PRPF8: variants seen among roughly 807,000 people sequenced by gnomAD.
PRPF8 encodes pre-mRNA processing factor 8.
A neutral mutation model predicts 285.9 loss-of-function variants in PRPF8; 64 were observed. The observed-to-expected ratio is 0.22, with a 90% CI of 0.18 to 0.28. PRPF8 has a LOEUF of 0.28. PRPF8 is among the 10% of genes least tolerant of loss of function. The pLI, the probability that PRPF8 is intolerant of heterozygous loss-of-function variation, is 1.00. For synonymous variants in PRPF8, 1,325 were observed against 1,118.2 expected, an observed-to-expected ratio of 1.18 and a Z score of -3.69; for missense variants, 1,426 against 3,026.7, an observed-to-expected ratio of 0.47 and a Z score of 12.41.
rs771921786 is a variant in PRPF8, at chr17:1,650,693, A to C, written c.*109T>G. 1.0e-4 allele frequency: 137 copies of C among 1,332,314 alleles called. No homozygotes were observed. The highest frequency in any genetic ancestry group is 1.4e-4 in the Non-Finnish European group (126 of 929,896). The allele number at this position is 1,332,314 out of a possible 1,614,324, so 82.5% of individuals were successfully genotyped here. A position where few individuals can be genotyped will look rare whatever the true frequency, so the allele number is the denominator to read the frequency against. On this transcript the variant is annotated 3_prime_UTR_variant, in exon 43 of 43. Coordinates refer to ENST00000304992, the MANE Select transcript of PRPF8 (RefSeq NM_006445.4). ...ATGACAAGCCATCAGGAGGTCAACA[A>C]CACAAGCACAGACAGAGGGAAAGAG... is the stretch of plus-strand genomic sequence containing the variant.
rs778682568 is a variant in PRPF8, at chr17:1,655,492, G to A, written c.5845C>T (p.Arg1949Trp). ...TCTGGCTTCAGGATCACTTTTGCCC[G>A]ATCGTTGTTCACATGTAGGGCACGC... ...ILRALHVNND[R>W]AKVILKPDKT... Residue 1949 changes from arginine to tryptophan, a missense_variant, in exon 37 of 43, where the codon CGG becomes TGG. By Grantham distance (101) the Arg-to-Trp change is moderately radical. This residue lies in a region of PRPF8 where 35 missense variants were observed against 47.7 expected (regional missense o/e 0.73). Transcript: ENST00000304992. The A allele has an allele frequency of 1.2e-6, 2 of 1,613,990 alleles. No homozygotes were observed. Among genetic ancestry groups the A allele is most frequent in the Non-Finnish European group, 1.7e-6 (2 of 1,179,918 alleles).
chr17:1,669,491 G>A (rs1912190731), intron 24 of PRPF8, among the ~76,000 whole-genome samples: 1 of 152,106 alleles, frequency 6.6e-6, no homozygotes, highest in Admixed American at 6.6e-5. Context: ...AAAAACACCT[G>A]CACTGACTTA....
At position 1,676,188 on chromosome 17, in the gene PRPF8, T is replaced by C. The variant is rs376306907; in HGVS notation, c.2552+19A>G. ...TGCTGTCACCTTCCCAGCAGGAACCTATCTACCCTACTACTCACCTATAAG... is the reference window on the plus strand; with the variant it reads ...TGCTGTCACCTTCCCAGCAGGAACCCATCTACCCTACTACTCACCTATAAG... On this transcript the variant is annotated intron_variant, in intron 17 of 42. Transcript: ENST00000304992. The surrounding 1 kb of genome is among the most constrained non-coding windows in gnomAD (Gnocchi z 6.3). 15 of 1,613,064 alleles carry C rather than the reference T, an allele frequency of 9.3e-6. No individual in the cohort carries two copies. Among genetic ancestry groups the C allele is most frequent in the Non-Finnish European group, 1.2e-5 (14 of 1,180,004 alleles).
rs1332508333 is a variant in PRPF8, at chr17:1,675,324, T to C, written c.2888A>G (p.Gln963Arg). 1.2e-6 allele frequency: 2 copies of C among 1,614,180 alleles called. No homozygotes were observed. Among genetic ancestry groups the C allele is most frequent in the Non-Finnish European group, 1.7e-6 (2 of 1,180,042 alleles). ...GCCTTCACTCGTCTCCCACACGTCCTGCAGGTTATTGATGCCTGAGGAGTA... is the reference window on the plus strand; with the variant it reads ...GCCTTCACTCGTCTCCCACACGTCCCGCAGGTTATTGATGCCTGAGGAGTA... ...YKWCQGINNLQDVWETSEGEC... is the reference protein window; with the variant it reads ...YKWCQGINNLRDVWETSEGEC... The change falls in exon 20 of 43, where the codon CAG (glutamine) becomes CGG (arginine). Residue 963 changes from glutamine (Q) to arginine (R), a missense_variant. Gln to Arg is a conservative substitution (Grantham distance 43). Transcript: ENST00000304992. This position sits in a 1 kb window ranked among gnomAD's most constrained non-coding sequence, Gnocchi z 6.0.
In PRPF8 at chr17:1,677,260, G is replaced by T. The variant is rs1464130729; in HGVS notation, c.1985-88C>A. 8 of 1,321,778 alleles carry T rather than the reference G, an allele frequency of 6.1e-6. No homozygotes were observed. The East Asian group carries it at 1.6e-4, about 27-fold the overall frequency. 81.9% of individuals were successfully genotyped at this position (1,321,778 alleles called of 1,614,324 possible). A position where few individuals can be genotyped will look rare whatever the true frequency, so the allele number is the denominator to read the frequency against. On this transcript the variant is annotated intron_variant, in intron 14 of 42. Coordinates refer to ENST00000304992, the MANE Select transcript of PRPF8 (RefSeq NM_006445.4). ...ACCTTCATGCTCCTCACTCATTATG[G>T]TTATTAATAAAATTAGGTATTAACA...
intron 24 of PRPF8, among the ~76,000 whole-genome samples, chr17:1,666,278 G>A (rs1383931556): frequency 6.6e-6 from 1 of 152,150 alleles, no homozygotes; most frequent in African/African-American, 2.4e-5. Flanking sequence ...GGCCAGGCGT[G>A]GTGGCTCACA....
chr17:1,680,686 C>G (rs1238858822), intron 8 of PRPF8, 40 bp downstream of exon 8: 1 of 1,559,692 alleles, frequency 6.4e-7, no homozygotes, highest in Non-Finnish European at 8.8e-7. Flanking sequence ...ACGCATTTCT[C>G]CTAGAAGAGC....
chr17:1,672,299 G>A (rs1912367649), intron 24 of PRPF8, among the ~76,000 whole-genome samples: 1 of 152,196 alleles, frequency 6.6e-6, no homozygotes, highest in Non-Finnish European at 1.5e-5. Context: ...TGTATTTTGA[G>A]ATAGAGTTTT....
At chr17:1,680,694 A>C in intron 8 of PRPF8, 32 bp downstream of exon 8, 1 of 1,566,704 alleles carries the variant, frequency 6.4e-7, no homozygotes, top group Non-Finnish European at 8.8e-7. Context: ...CTCCTAGAAG[A>C]GCTGAGGGAA....
At chr17:1,666,472 G>A (rs747326419) in intron 24 of PRPF8, among the ~76,000 whole-genome samples, 5 of 151,402 alleles carry the variant, frequency 3.3e-5, no homozygotes, top group Non-Finnish European at 7.4e-5. Flanking sequence ...GGTCTCCTGA[G>A]CCTGGGAGGC....
rs148321300 is a variant in PRPF8, at chr17:1,663,483, C to T, written c.3775-1330G>A. Among the ~76,000 whole-genome samples the T allele has an allele frequency of 4.0e-3, 611 of 151,564 alleles. 2 individuals are homozygous for T. The highest frequency in any genetic ancestry group is 0.017 in the Middle Eastern group (5 of 294). On this transcript the variant is annotated intron_variant, in intron 24 of 42. Coordinates refer to ENST00000304992, the MANE Select transcript of PRPF8 (RefSeq NM_006445.4). The stretch of plus-strand genomic sequence containing the variant: ...ATCCCAGCACTCTGGGAGGCTGAGG[C>T]GGGCCTCGGGGTCAGGAGTTCGAAA...
In PRPF8 at chr17:1,675,130, T is replaced by C. The variant is rs754055622; in HGVS notation, c.3060+22A>G. On this transcript the variant is annotated intron_variant, in intron 20 of 42. Transcript: ENST00000304992. The surrounding 1 kb of genome is among the most constrained non-coding windows in gnomAD (Gnocchi z 6.0). ...GACAAGCACTCCACACACAATTCCA[T>C]GCTACTGCGCCTGAGACGCACCTTA... 3 of 1,612,564 alleles carry C rather than the reference T, an allele frequency of 1.9e-6. No individual in the cohort carries two copies. The highest frequency in any genetic ancestry group is 1.1e-5 in the South Asian group (1 of 91,008).
In PRPF8 at chr17:1,678,548, C is replaced by G; in HGVS notation, c.1824G>C (p.Leu608=). The change falls in exon 13 of 43, where the codon CTG becomes CTC. Residue 608 remains leucine (L), a synonymous_variant. Transcript: ENST00000304992. ...TGAAACGATAATAGATGAGATGCTT[C>G]AGGTCCTTGCACATGCGAATCTGTC... is the stretch of plus-strand genomic sequence containing the variant. The part of the protein sequence containing the change: ...LMRQIRMCKD[L]KHLIYYRFNT... The G allele has an allele frequency of 6.2e-7, 1 of 1,614,220 alleles. No homozygotes were observed. The highest frequency in any genetic ancestry group is 8.5e-7 in the Non-Finnish European group (1 of 1,180,034).
At chr17:1,662,531 G>C (rs1424626061) in intron 24 of PRPF8, among the ~76,000 whole-genome samples, 4 of 151,802 alleles carry the variant, frequency 2.6e-5, no homozygotes, top group African/African-American at 7.3e-5. Context: ...GGAGGTTGCA[G>C]TGAGCTGAGA....
Position 1,653,053 on chromosome 17 carries a change from C to T in PRPF8, c.6369+489G>A. The T allele has an allele frequency of 3.9e-6, 1 of 253,378 alleles. No homozygotes were observed. Among genetic ancestry groups the T allele is most frequent in the Non-Finnish European group, 7.8e-6 (1 of 127,540 alleles). 15.7% of individuals were successfully genotyped at this position (253,378 alleles called of 1,614,324 possible). A position where few individuals can be genotyped will look rare whatever the true frequency, so the allele number is the denominator to read the frequency against. On this transcript the variant is annotated intron_variant, in intron 39 of 42. Transcript: ENST00000304992. This position sits in a 1 kb window ranked among gnomAD's most constrained non-coding sequence, Gnocchi z 4.9. The stretch of plus-strand genomic sequence containing the variant: ...TCCCGGGTTCAAGCAATTCTCCTGT[C>T]TCAACCTCCCTAGTAGCTGCAACTA...
Position 1,682,124 on chromosome 17 carries a change from C to A in PRPF8, c.434+5G>T. 6.2e-7 allele frequency: 1 copy of A among 1,613,938 alleles called. No homozygotes were observed. Among genetic ancestry groups the A allele is most frequent in the Admixed American group, 1.7e-5 (1 of 59,988 alleles). ...CACCACCCACCATATTTCAGCCTTT[C>A]TCACCCCCACTGGGAGATGTAGACA... On this transcript the variant is annotated splice_donor_5th_base_variant and intron_variant, in intron 4 of 42. Transcript: ENST00000304992.
chr17:1,661,020 T>C lies in PRPF8; in HGVS notation c.4481A>G (p.Tyr1494Cys). 6.2e-7 allele frequency: 1 copy of C among 1,614,114 alleles called. No homozygotes were observed. Among genetic ancestry groups the C allele is most frequent in the Non-Finnish European group, 8.5e-7 (1 of 1,180,022 alleles). Residue 1494 changes from tyrosine (Y) to cysteine (C), a missense_variant, in exon 28 of 43, where the codon TAC (tyrosine) becomes TGC (cysteine). Transcript: ENST00000304992. The surrounding 1 kb of genome is among the most constrained non-coding windows in gnomAD (Gnocchi z 7.3). Reference sequence around the variant, plus strand: ...GAAAAGCCCCTCCCAGGTAGGGAAGTAAGTGCCCTTAAAGAGTGTGTGTTC... The same window carrying C: ...GAAAAGCCCCTCCCAGGTAGGGAAGCAAGTGCCCTTAAAGAGTGTGTGTTC... ...ILEHTLFKGT[Y>C]FPTWEGLFWE...
chr17:1,650,986 A>G (rs1190577853), intron 42 of PRPF8, 30 bp from the exon 43 acceptor site: 1 of 1,614,068 alleles, frequency 6.2e-7, no homozygotes, highest in Non-Finnish European at 8.5e-7. Context: ...GCCAATGTTA[A>G]CAGGGCTCCT....
chr17:1,652,638 C>T (rs913997592), intron 39 of PRPF8: 2 of 152,806 alleles, frequency 1.3e-5, no homozygotes, highest in Middle Eastern at 6.8e-3. Context: ...CACCACCCTC[C>T]AGGATCAGGT....
Sources: allele counts gnomAD v4.1 joint callset (sites outside exome capture counted in the v4.1 genomes callset), GRCh38; gene constraint gnomAD v4.1.1; regional missense constraint gnomAD v4.1.1; non-coding constraint Gnocchi (gnomAD v3.1); transcripts MANE v1.5; gene names NCBI Gene and HGNC (gene_info 2026-07-23, HGNC 2026-07-21).